The following SLC44A3 variants were observed in gnomAD, a reference collection of about 807,000 sequenced individuals.
The protein encoded by SLC44A3 is solute carrier family 44 member 3.
In SLC44A3, 74 loss-of-function variants were observed where a neutral mutation model predicts 75.4. That is an observed-to-expected ratio of 0.98 (90% CI 0.81 to 1.19). The LOEUF is 1.19. SLC44A3 is among the 50% of genes most tolerant of loss of function. The pLI is 0.00. For missense variants in SLC44A3, 700 were observed against 778.6 expected, an observed-to-expected ratio of 0.90 and a Z score of 1.20; for synonymous variants, 310 against 296.9, an observed-to-expected ratio of 1.04 and a Z score of -0.45.
At chr1:94,865,429 TGTGTGTACATGC>T (rs1228308073) in intron 11 of SLC44A3, among the ~76,000 whole-genome samples, 2 of 152,128 alleles carry the variant, frequency 1.3e-5, no homozygotes, top group African/African-American at 4.8e-5. Flanking sequence ...AGTGTGTATG[TGTGTGTACATGC>T]GTGTGTACAC....
At chr1:94,844,910 C>T (rs1664202016) in intron 8 of SLC44A3, among the ~76,000 whole-genome samples, 1 of 152,164 alleles carries the variant, frequency 6.6e-6, no homozygotes, top group African/African-American at 2.4e-5. Context: ...GCCTCATACT[C>T]ATATTCCCTT....
chr1:94,856,871 C>G (rs1386861855), intron 9 of SLC44A3, among the ~76,000 whole-genome samples: 2 of 152,120 alleles, frequency 1.3e-5, no homozygotes, highest in Admixed American at 1.3e-4. Context: ...GCTGGAACTA[C>G]AGGTGCCTGC....
intron 5 of SLC44A3, among the ~76,000 whole-genome samples, chr1:94,834,313 G>T (rs1662503005): frequency 1.3e-5 from 2 of 152,184 alleles, no homozygotes; most frequent in African/African-American, 2.4e-5. Flanking sequence ...GCTCAAGAAA[G>T]AAAAAGAATG....
At chr1:94,877,441 G>A (rs1166845044) in intron 12 of SLC44A3, among the ~76,000 whole-genome samples, 1 of 152,074 alleles carries the variant, frequency 6.6e-6, no homozygotes, top group Non-Finnish European at 1.5e-5. Flanking sequence ...CACAGAGCCC[G>A]AGTCCTGCTT....
At chr1:94,824,419 A>T in intron 2 of SLC44A3, 74 bp from the exon 3 acceptor site, 6 of 1,473,556 alleles carry the variant, frequency 4.1e-6, no homozygotes, top group Non-Finnish European at 4.5e-6. Context: ...GTTTTATATC[A>T]GCATCTGCAG....
intron 2 of SLC44A3, 116 bp downstream of exon 2, chr1:94,821,172 C>A: frequency 1.3e-6 from 1 of 781,416 alleles, no homozygotes; most frequent in Non-Finnish European, 2.0e-6. Flanking sequence ...TGCCGTTAAC[C>A]CACAATAAAC....
At chr1:94,888,605 T>C (rs1288754112) in intron 12 of SLC44A3, 12 of 940,960 alleles carry the variant, frequency 1.3e-5, no homozygotes, top group Middle Eastern at 5.4e-4. Flanking sequence ...GCACATTCTA[T>C]GTAAGTCCAA....
Position 94,845,465 on chromosome 1 carries a change from G to C in SLC44A3, c.1072+1G>C, listed in dbSNP as rs759615007. On this transcript the variant is annotated splice_donor_variant, in intron 9 of 14. Transcript: ENST00000271227. LOFTEE classifies it high-confidence loss of function. ...GTGCTGCTGAGCCTGGGAACTGCAG[G>C]TAAGGGACAGTGGGTGTGGGTTCCA... 2 of 1,606,630 alleles carry C rather than the reference G, an allele frequency of 1.2e-6. No homozygotes were observed. Among genetic ancestry groups the C allele is most frequent in the Non-Finnish European group, 1.7e-6 (2 of 1,178,730 alleles).
At chr1:94,820,824 A>G in intron 1 of SLC44A3, 125 bp from the exon 2 acceptor site, 1 of 1,303,916 alleles carries the variant, frequency 7.7e-7, no homozygotes. Context: ...AAAAAATAAT[A>G]TTAATTTTAA....
intron 5 of SLC44A3, among the ~76,000 whole-genome samples, chr1:94,834,207 G>T (rs1458090234): frequency 1.4e-5 from 2 of 147,788 alleles, no homozygotes; most frequent in African/African-American, 2.5e-5. Flanking sequence ...GGTCTTCAAG[G>T]GTTCTTTGGA....
intron 12 of SLC44A3, among the ~76,000 whole-genome samples, chr1:94,873,754 A>T (rs1260478950): frequency 1.3e-5 from 2 of 152,204 alleles, no homozygotes; most frequent in African/African-American, 4.8e-5. Flanking sequence ...CAGTTGGCAG[A>T]TCTCCAGTGA....
At chr1:94,833,673 G>A (rs1181671604) in intron 5 of SLC44A3, among the ~76,000 whole-genome samples, 1 of 152,112 alleles carries the variant, frequency 6.6e-6, no homozygotes, top group Non-Finnish European at 1.5e-5. Context: ...TAAGCCAGGG[G>A]ATTCCCTAAG....
At chr1:94,820,906 A>G (rs952712105) in intron 1 of SLC44A3, 43 bp from the exon 2 acceptor site, 2 of 1,522,358 alleles carry the variant, frequency 1.3e-6, no homozygotes, top group African/African-American at 1.4e-5. Flanking sequence ...GGTTGAGTCC[A>G]CCTGTTTATC....
chr1:94,851,335 T>C (rs1242621642), intron 9 of SLC44A3, among the ~76,000 whole-genome samples: 1 of 152,162 alleles, frequency 6.6e-6, no homozygotes, highest in African/African-American at 2.4e-5. Flanking sequence ...ATGCCCTGGG[T>C]ACTTGAGATA....
chr1:94,831,625 T>C (rs1662143138), intron 5 of SLC44A3, among the ~76,000 whole-genome samples: 1 of 152,210 alleles, frequency 6.6e-6, no homozygotes, highest in African/African-American at 2.4e-5. Flanking sequence ...TTCAACATGG[T>C]AATGTATTTT....
chr1:94,842,155 G>T, intron 8 of SLC44A3, 31 bp downstream of exon 8: 1 of 1,567,990 alleles, frequency 6.4e-7, no homozygotes, highest in African/African-American at 1.4e-5. Flanking sequence ...AGTAGGTCAG[G>T]TAGCCAGCCA....
intron 10 of SLC44A3, among the ~76,000 whole-genome samples, chr1:94,858,435 C>T (rs1351170186): frequency 1.3e-5 from 2 of 152,138 alleles, no homozygotes; most frequent in African/African-American, 4.8e-5. Context: ...GAACGCTTTA[C>T]CTCTTCTGTG....
At chr1:94,861,028 G>A (rs559293330) in intron 10 of SLC44A3, among the ~76,000 whole-genome samples, 45 of 152,258 alleles carry the variant, frequency 3.0e-4, no homozygotes, top group African/African-American at 9.6e-4. Flanking sequence ...TTGGTGAAGC[G>A]TTCGGTGAGG....
At position 94,838,768 on chromosome 1, in the gene SLC44A3, G is replaced by C. The variant is rs546723422; in HGVS notation, c.670+897G>C. Among the ~76,000 whole-genome samples, 5 of 152,240 alleles carry C rather than the reference G, an allele frequency of 3.3e-5. No individual in the cohort carries two copies. The South Asian group carries it at 1.0e-3, about 32-fold the overall frequency. On this transcript the variant is annotated intron_variant, in intron 6 of 14. Transcript: ENST00000271227. ...TCAATTGACTCAAACAAGATGCTTT[G>C]ACTCCCAAATACTGGCTTGGTTACA...
Sources: gnomAD v4.1 joint callset for allele counts (sites outside exome capture counted in the v4.1 genomes callset) on GRCh38, gnomAD v4.1.1 for gene constraint, MANE v1.5 for transcripts, NCBI Gene and HGNC (gene_info 2026-07-23, HGNC 2026-07-21) for gene names.